POLN: variants seen among roughly 807,000 people sequenced by gnomAD.
The protein encoded by POLN is DNA polymerase N.
A neutral mutation model predicts 113.5 loss-of-function variants in POLN; 108 were observed. The observed-to-expected ratio is 0.95, with a 90% CI of 0.81 to 1.12. POLN has a LOEUF of 1.12. POLN is among the 50% of genes most tolerant of loss of function. The probability of loss-of-function intolerance (pLI) is 0.00; values close to 1 mark genes in which losing one functional copy is unlikely to be tolerated. For missense variants in POLN, 1,097 were observed against 1,077.1 expected (o/e 1.02, Z -0.26); for synonymous variants, 386 against 391.5 (o/e 0.99, Z 0.17).
chr4:2,211,888 G>A (rs954703230), intron 4 of POLN, among the ~76,000 whole-genome samples: 6 of 152,120 alleles, frequency 3.9e-5, no homozygotes, highest in Admixed American at 1.3e-4. Context: ...CCCTGCCTTC[G>A]GGATCCAAGG....
intron 11 of POLN, among the ~76,000 whole-genome samples, chr4:2,172,869 G>A (rs1732898358): frequency 6.6e-6 from 1 of 152,198 alleles, no homozygotes; most frequent in Non-Finnish European, 1.5e-5. Context: ...GGTACAGCGT[G>A]GTTTGTAACG....
chr4:2,088,550 G>A (rs1730599261), intron 20 of POLN, among the ~76,000 whole-genome samples: 1 of 152,092 alleles, frequency 6.6e-6, no homozygotes, highest in Non-Finnish European at 1.5e-5. Flanking sequence ...AGAAGACATA[G>A]TTTAAAAAAA....
At chr4:2,204,067 C>A (rs1377739147) in intron 5 of POLN, among the ~76,000 whole-genome samples, 2 of 140,454 alleles carry the variant, frequency 1.4e-5, no homozygotes, top group Non-Finnish European at 3.0e-5. Context: ...TGAGATCGCG[C>A]CATTACACTC....
In POLN at chr4:2,128,216, T is replaced by G; in HGVS notation, c.1879A>C (p.Ile627Leu). Residue 627 changes from isoleucine (I) to leucine (L), a missense_variant, in exon 19 of 26, where the codon ATT (isoleucine) becomes CTT (leucine). Ile to Leu is a conservative substitution (Grantham distance 5). Coordinates refer to ENST00000511885, the MANE Select transcript of POLN (RefSeq NM_181808.4). ...HTFLAADFSQ[I>L]ELRILTHLSG... The stretch of plus-strand genomic sequence containing the variant: ...AAATGTGTAAGAATGCGCAATTCAA[T>G]CTGTGAAAAGTCTGTGAGATACAGT... 6.2e-7 allele frequency: 1 copy of G among 1,604,874 alleles called. No homozygotes were observed. Among genetic ancestry groups the G allele is most frequent in the Non-Finnish European group, 8.5e-7 (1 of 1,172,066 alleles).
In POLN at chr4:2,083,912, C is replaced by T. The variant is rs901654870; in HGVS notation, c.2197+1701G>A. Among the ~76,000 whole-genome samples, 6 of 152,320 alleles carry T rather than the reference C, an allele frequency of 3.9e-5. 2 individuals are homozygous for T. The highest frequency in any genetic ancestry group is 3.3e-4 in the Admixed American group (5 of 15,298). ...GACATGTTTACAAAATGTAGAAGGACGTGAGCACATTGCAGGGCCTCTCCC... is the reference window on the plus strand; with the variant it reads ...GACATGTTTACAAAATGTAGAAGGATGTGAGCACATTGCAGGGCCTCTCCC... On this transcript the variant is annotated intron_variant, in intron 21 of 25. Transcript: ENST00000511885.
At chr4:2,240,812 C>T (rs1208082258) in intron 2 of POLN, 4 of 1,613,752 alleles carry the variant, frequency 2.5e-6, no homozygotes, top group African/African-American at 1.3e-5. Context: ...CATTCACATT[C>T]CCACAAAACC....
At position 2,078,632 on chromosome 4, in the gene POLN, C is replaced by T. The variant is rs548977531; in HGVS notation, c.2387+2326G>A. On this transcript the variant is annotated intron_variant, in intron 23 of 25. Coordinates refer to ENST00000511885, the MANE Select transcript of POLN (RefSeq NM_181808.4). ...TGCCTGGCCACACTGAGCCTGCACCCGTCCCTTCCAGACGCCATCCACAGC... is the reference window on the plus strand; with the variant it reads ...TGCCTGGCCACACTGAGCCTGCACCTGTCCCTTCCAGACGCCATCCACAGC... 4.7e-5 allele frequency: 46 copies of T among 985,474 alleles called. 1 individual carries two copies. The African/African-American group carries it at 5.8e-4, about 12-fold the overall frequency. The allele number at this position is 985,474 out of a possible 1,614,324, so 61.0% of individuals were successfully genotyped here. A position where few individuals can be genotyped will look rare whatever the true frequency, so the allele number is the denominator to read the frequency against.
intron 3 of POLN, among the ~76,000 whole-genome samples, chr4:2,221,701 G>A (rs964189301): frequency 2.0e-5 from 3 of 152,076 alleles, no homozygotes; most frequent in Non-Finnish European, 4.4e-5. Flanking sequence ...TCATCCTCCC[G>A]AGCAGCTGGG....
chr4:2,230,757 A>T (rs1734552532), intron 2 of POLN: 1 of 152,100 alleles, frequency 6.6e-6, no homozygotes, highest in Non-Finnish European at 1.5e-5. Flanking sequence ...TCTTAAAGGT[A>T]TTCCTACAAA....
At chr4:2,098,637 A>T (rs1475540624) in intron 19 of POLN, among the ~76,000 whole-genome samples, 1 of 152,216 alleles carries the variant, frequency 6.6e-6, no homozygotes, top group Non-Finnish European at 1.5e-5. Context: ...ATGGTTACAT[A>T]GAGAAATATC....
rs761678976 is a variant in POLN at position 2,071,952 on chromosome 4, A to C, written c.*162T>G. 9.7e-6 allele frequency: 8 copies of C among 823,432 alleles called. No homozygotes were observed. The highest frequency in any genetic ancestry group is 1.7e-5 in the Non-Finnish European group (8 of 478,912). 51.0% of individuals were successfully genotyped at this position (823,432 alleles called of 1,614,324 possible). The stretch of plus-strand genomic sequence containing the variant: ...CTCACAGGAAGAATTCACTCAGACA[A>C]GGATGAGGAGGGCTTTGCACAGGCA... On this transcript the variant is annotated 3_prime_UTR_variant, in exon 26 of 26. Transcript: ENST00000511885. The surrounding 1 kb of genome is among the most constrained non-coding windows in gnomAD (Gnocchi z 5.2).
chr4:2,202,133 C>CAA (rs564856954), intron 5 of POLN, among the ~76,000 whole-genome samples: 50 of 151,506 alleles, frequency 3.3e-4, no homozygotes, highest in African/African-American at 1.2e-3. Flanking sequence ...CAAAACAAAA[C>CAA]AAAAAAAACA....
At chr4:2,149,404 C>T (rs977558050) in intron 16 of POLN, among the ~76,000 whole-genome samples, 2 of 152,146 alleles carry the variant, frequency 1.3e-5, no homozygotes, top group Non-Finnish European at 2.9e-5. Context: ...GGGAATTCAT[C>T]AATGGCAGAC....
intron 16 of POLN, chr4:2,141,200 G>A (rs1200063749): frequency 6.6e-6 from 1 of 152,326 alleles, no homozygotes; most frequent in Non-Finnish European, 1.5e-5. Context: ...TAGGTCAGCT[G>A]AGTTTGGTTT....
At chr4:2,211,260 A>C (rs1349361633) in intron 4 of POLN, among the ~76,000 whole-genome samples, 5 of 110,370 alleles carry the variant, frequency 4.5e-5, no homozygotes, top group Admixed American at 8.4e-5. Flanking sequence ...AAATAATAAT[A>C]ATAATAATAA....
chr4:2,156,533 T>C (rs1732437169), intron 16 of POLN: 1 of 551,534 alleles, frequency 1.8e-6, no homozygotes, highest in East Asian at 3.5e-5. Flanking sequence ...GGTGTCCTTT[T>C]TGCCTGCACA....
intron 15 of POLN, 113 bp downstream of exon 15, chr4:2,157,745 A>AAG: frequency 2.2e-6 from 1 of 456,024 alleles, no homozygotes. Flanking sequence ...AAAAAAAAAA[A>AAG]AGAATATTTA....
chr4:2,118,920 C>T (rs1731378552), intron 19 of POLN, among the ~76,000 whole-genome samples: 1 of 152,162 alleles, frequency 6.6e-6, no homozygotes. Context: ...TGAAGAGGAA[C>T]CACGTGCAGA....
intron 23 of POLN, among the ~76,000 whole-genome samples, chr4:2,077,460 G>A (rs1730303317): frequency 6.6e-6 from 1 of 152,206 alleles, no homozygotes; most frequent in Non-Finnish European, 1.5e-5. Context: ...GGAGGGGGAG[G>A]TGGGCCTGTG....
Sources: gnomAD v4.1 joint callset for allele counts (sites outside exome capture counted in the v4.1 genomes callset) on GRCh38, gnomAD v4.1.1 for gene constraint, Gnocchi (gnomAD v3.1) non-coding constraint, MANE v1.5 for transcripts, NCBI Gene and HGNC (gene_info 2026-07-23, HGNC 2026-07-21) for gene names.